The following KCNH5 variants were observed in gnomAD, a reference collection of about 807,000 sequenced individuals.
KCNH5 encodes the protein potassium voltage-gated channel subfamily H member 5.
A neutral mutation model predicts 96.1 loss-of-function variants in KCNH5; 46 were observed. The ratio of observed to expected loss-of-function variants is 0.48; its 90% confidence interval spans 0.38 to 0.61. KCNH5 has a LOEUF of 0.61. KCNH5 is among the 20% of genes least tolerant of loss of function. KCNH5 has a pLI of 0.00. For synonymous variants in KCNH5, 439 were observed against 449.8 expected (o/e 0.98, Z 0.30); for missense variants, 907 against 1,225.8 (o/e 0.74, Z 3.88).
At chr14:62,865,212 C>T (rs978595469) in intron 7 of KCNH5, among the ~76,000 whole-genome samples, 4 of 151,646 alleles carry the variant, frequency 2.6e-5, no homozygotes, top group Non-Finnish European at 4.4e-5. Flanking sequence ...CTTTACAAGG[C>T]TTGTTGGGTT....
chr14:63,020,030 C>T (rs1427834085), intron 1 of KCNH5, among the ~76,000 whole-genome samples: 3 of 152,052 alleles, frequency 2.0e-5, no homozygotes, highest in Non-Finnish European at 2.9e-5. Flanking sequence ...AGACATTTCA[C>T]ACACAGAAAA....
chr14:62,922,709 T>G (rs1889402037), intron 7 of KCNH5, among the ~76,000 whole-genome samples: 1 of 152,050 alleles, frequency 6.6e-6, no homozygotes, highest in Non-Finnish European at 1.5e-5. Flanking sequence ...AAAATTTTCA[T>G]GACCATCTCA....
At chr14:63,020,122 T>C (rs1003447421) in intron 1 of KCNH5, among the ~76,000 whole-genome samples, 36 of 152,142 alleles carry the variant, frequency 2.4e-4, no homozygotes, top group African/African-American at 8.7e-4. Flanking sequence ...AGCACAACGA[T>C]ATACTGCTGC....
At chr14:62,729,421 A>G (rs1885003550) in intron 10 of KCNH5, among the ~76,000 whole-genome samples, 2 of 152,284 alleles carry the variant, frequency 1.3e-5, no homozygotes, top group East Asian at 3.9e-4. Context: ...AACACTACAT[A>G]TATTTAGCGA....
intron 7 of KCNH5, among the ~76,000 whole-genome samples, chr14:62,911,824 C>T (rs966683619): frequency 9.3e-5 from 14 of 151,182 alleles, no homozygotes; most frequent in Non-Finnish European, 2.1e-4. Context: ...CACTTGAGGC[C>T]AGGAGTTCCA....
Position 63,021,470 on chromosome 14 carries a change from A to T in KCNH5, c.74-4516T>A, listed in dbSNP as rs74332307. 2.6e-5 allele frequency among the ~76,000 whole-genome samples: 4 copies of T among 152,170 alleles called. No individual in the cohort carries two copies. The East Asian group carries it at 7.7e-4, about 29-fold the overall frequency. On this transcript the variant is annotated intron_variant, in intron 1 of 10. Transcript: ENST00000322893. The stretch of plus-strand genomic sequence containing the variant: ...TATTCACTTGAAATACTTTTCTGAC[A>T]TCTCTTTGCCCATCAAAACACTTAA...
At chr14:63,038,163 C>T (rs1033024618) in intron 1 of KCNH5, among the ~76,000 whole-genome samples, 21 of 152,158 alleles carry the variant, frequency 1.4e-4, no homozygotes, top group Non-Finnish European at 2.5e-4. Context: ...CTTATTCAAG[C>T]TCACTTAATA....
chr14:62,819,343 G>A (rs1887067651), intron 8 of KCNH5, among the ~76,000 whole-genome samples: 1 of 152,178 alleles, frequency 6.6e-6, no homozygotes, highest in African/African-American at 2.4e-5. Context: ...AACAGGTCAA[G>A]TGAAGGAATC....
intron 7 of KCNH5, among the ~76,000 whole-genome samples, chr14:62,927,066 G>T (rs770223049): frequency 3.9e-5 from 6 of 152,028 alleles, no homozygotes; most frequent in Non-Finnish European, 7.4e-5. Context: ...AAAACAATCA[G>T]ATTCAATAAA....
chr14:62,749,505 C>T (rs1885450263), intron 10 of KCNH5, among the ~76,000 whole-genome samples: 2 of 152,172 alleles, frequency 1.3e-5, no homozygotes, highest in African/African-American at 4.8e-5. Context: ...AGTCTCCCAG[C>T]TGTGTTGTAA....
intron 4 of KCNH5, among the ~76,000 whole-genome samples, chr14:62,990,146 C>T (rs1890783111): frequency 6.6e-6 from 1 of 151,814 alleles, no homozygotes; most frequent in African/African-American, 2.4e-5. Context: ...AAAAAGGAGA[C>T]ATTTAGGAAT....
intron 8 of KCNH5, among the ~76,000 whole-genome samples, chr14:62,842,917 T>A (rs1887614745): frequency 6.6e-6 from 1 of 152,206 alleles, no homozygotes; most frequent in South Asian, 2.1e-4. Context: ...ATGTAATATA[T>A]AATAGTACTC....
intron 8 of KCNH5, among the ~76,000 whole-genome samples, chr14:62,825,489 C>A (rs1887204414): frequency 1.3e-5 from 2 of 151,762 alleles, no homozygotes; most frequent in Non-Finnish European, 2.9e-5. Flanking sequence ...TAATTTCCTT[C>A]CAGAAGACAA....
intron 6 of KCNH5, among the ~76,000 whole-genome samples, chr14:62,970,480 C>T (rs964943929): frequency 2.6e-5 from 4 of 152,140 alleles, no homozygotes; most frequent in Non-Finnish European, 5.9e-5. Flanking sequence ...CTTTCTTGTG[C>T]ATTTTATGAG....
chr14:62,788,970 G>T (rs541338947), intron 9 of KCNH5, among the ~76,000 whole-genome samples: 1 of 152,088 alleles, frequency 6.6e-6, no homozygotes, highest in Admixed American at 6.6e-5. Context: ...AAATCTCTGA[G>T]ATATGTCAGT....
At chr14:62,903,126 G>A (rs955514897) in intron 7 of KCNH5, among the ~76,000 whole-genome samples, 7 of 152,178 alleles carry the variant, frequency 4.6e-5, no homozygotes, top group Middle Eastern at 3.4e-3. Context: ...CTATTATTTC[G>A]GAATAATAAA....
chr14:62,719,463 T>C (rs1291562644), intron 10 of KCNH5, among the ~76,000 whole-genome samples: 2 of 152,214 alleles, frequency 1.3e-5, no homozygotes, highest in South Asian at 2.1e-4. Context: ...CCGAATTAAA[T>C]TGAAAGGAGT....
At chr14:62,874,353 A>G (rs1013477096) in intron 7 of KCNH5, among the ~76,000 whole-genome samples, 3 of 152,344 alleles carry the variant, frequency 2.0e-5, no homozygotes, top group Admixed American at 2.0e-4. Context: ...CAGCAAACGA[A>G]CATATGTAAA....
intron 7 of KCNH5, among the ~76,000 whole-genome samples, chr14:62,944,418 T>C (rs568866021): frequency 1.3e-5 from 2 of 152,084 alleles, no homozygotes; most frequent in Non-Finnish European, 1.5e-5. Context: ...ACAGATTGAC[T>C]AGAACCCTGG....
Sources: gnomAD v4.1 joint callset for allele counts (sites outside exome capture counted in the v4.1 genomes callset) on GRCh38, gnomAD v4.1.1 for gene constraint, MANE v1.5 for transcripts, NCBI Gene and HGNC (gene_info 2026-07-23, HGNC 2026-07-21) for gene names.